The following HMGCLL1 variants were observed in gnomAD, a reference collection of about 807,000 sequenced individuals.
HMGCLL1 encodes the protein 3-hydroxy-3-methylglutaryl-CoA lyase like 1, also known as 3-hydroxymethyl-3-methylglutaryl-CoA lyase, cytoplasmic.
HMGCLL1 carries 36 observed loss-of-function variants against 39.1 expected under a neutral mutation model. The observed-to-expected ratio is 0.92, with a 90% CI of 0.71 to 1.22. The LOEUF is 1.22. HMGCLL1 is among the 50% of genes most tolerant of loss of function. The probability of loss-of-function intolerance (pLI) is 0.00; values close to 1 mark genes in which losing one functional copy is unlikely to be tolerated. For synonymous variants in HMGCLL1, 149 were observed against 144.0 expected, an observed-to-expected ratio of 1.03 and a Z score of -0.25; for missense variants, 451 against 416.5, an observed-to-expected ratio of 1.08 and a Z score of -0.72.
At chr6:55,528,983 A>T (rs1446642511) in intron 3 of HMGCLL1, among the ~76,000 whole-genome samples, 1 of 152,126 alleles carries the variant, frequency 6.6e-6, no homozygotes, top group Admixed American at 6.6e-5. Context: ...ACCCAAATGG[A>T]TCTGTGAGTT....
At chr6:55,518,746 A>G (rs1308532918) in intron 3 of HMGCLL1, among the ~76,000 whole-genome samples, 1 of 152,010 alleles carries the variant, frequency 6.6e-6, no homozygotes, top group South Asian at 2.1e-4. Context: ...AGTCAGTGTC[A>G]CCCCCTAAAT....
intron 1 of HMGCLL1, among the ~76,000 whole-genome samples, chr6:55,543,640 G>C (rs1317735283): frequency 6.9e-6 from 1 of 144,604 alleles, no homozygotes; most frequent in African/African-American, 2.6e-5. Flanking sequence ...ATTTGCTTGA[G>C]CCCAGGAGTT....
chr6:55,534,343 A>G (rs1241894193), intron 3 of HMGCLL1, among the ~76,000 whole-genome samples: 1 of 152,154 alleles, frequency 6.6e-6, no homozygotes, highest in Non-Finnish European at 1.5e-5. Flanking sequence ...GACCCAATAT[A>G]AAGGTGGTAA....
At chr6:55,468,024 C>A (rs1319513557) in intron 7 of HMGCLL1, among the ~76,000 whole-genome samples, 1 of 151,870 alleles carries the variant, frequency 6.6e-6, no homozygotes, top group East Asian at 1.9e-4. Context: ...TACAGAATGC[C>A]TGTGTGAAGG....
chr6:55,665,530 C>T, the HMGCLL1 span, among the ~76,000 whole-genome samples: 1 of 151,628 alleles, frequency 6.6e-6, no homozygotes, highest in African/African-American at 2.4e-5. Context: ...ACAAGTGGTA[C>T]TCCCTCTCTT....
chr6:55,631,164 A>G, the HMGCLL1 span, among the ~76,000 whole-genome samples: 3 of 152,150 alleles, frequency 2.0e-5, no homozygotes, highest in African/African-American at 7.2e-5. Flanking sequence ...AAGTTTGGAA[A>G]GTTCTCGGTT....
intron 7 of HMGCLL1, among the ~76,000 whole-genome samples, chr6:55,447,589 G>GA (rs1296178690): frequency 4.3e-4 from 64 of 149,214 alleles, no homozygotes; most frequent in Non-Finnish European, 2.4e-4. Context: ...AGGAAGTAAG[G>GA]AAAAAAAAAG....
At chr6:55,618,678 T>A in the HMGCLL1 span, among the ~76,000 whole-genome samples, 1 of 151,644 alleles carries the variant, frequency 6.6e-6, no homozygotes, top group Non-Finnish European at 1.5e-5. Flanking sequence ...AAAGAAAGAG[T>A]CTATATGCAA....
chr6:55,598,589 T>C, the HMGCLL1 span, among the ~76,000 whole-genome samples: 1 of 152,190 alleles, frequency 6.6e-6, no homozygotes. Flanking sequence ...TTCAGAACCT[T>C]ATAGAAGATC....
chr6:55,452,412 G>A (rs939642502), intron 7 of HMGCLL1, among the ~76,000 whole-genome samples: 3 of 151,444 alleles, frequency 2.0e-5, no homozygotes, highest in African/African-American at 4.9e-5. Context: ...ATAACGGAGA[G>A]CAGAGAAATT....
chr6:55,611,499 G>A, the HMGCLL1 span, among the ~76,000 whole-genome samples: 4 of 152,172 alleles, frequency 2.6e-5, no homozygotes, highest in East Asian at 7.7e-4. Flanking sequence ...AAACCTGAAA[G>A]AGACACAACA....
chr6:55,581,750 G>C (rs1771990662), upstream of HMGCLL1, among the ~76,000 whole-genome samples: 1 of 151,986 alleles, frequency 6.6e-6, no homozygotes, highest in South Asian at 2.1e-4. Flanking sequence ...AAGTGAGTAA[G>C]TGCCATATCC....
the HMGCLL1 span, among the ~76,000 whole-genome samples, chr6:55,630,914 C>G: frequency 6.6e-6 from 1 of 152,058 alleles, no homozygotes; most frequent in Non-Finnish European, 1.5e-5. Flanking sequence ...TTATCAGCAG[C>G]ATGAGAACAG....
At chr6:55,646,000 T>C in the HMGCLL1 span, among the ~76,000 whole-genome samples, 1 of 151,940 alleles carries the variant, frequency 6.6e-6, no homozygotes. Context: ...TTGATAGAAA[T>C]CAGCAGCAAA....
At chr6:55,585,671 T>C in the HMGCLL1 span, among the ~76,000 whole-genome samples, 1 of 152,082 alleles carries the variant, frequency 6.6e-6, no homozygotes, top group Non-Finnish European at 1.5e-5. Flanking sequence ...CAGCTTTCTT[T>C]TGCCTTTATT....
chr6:55,485,298 T>C lies in HMGCLL1; in HGVS notation c.795+10121A>G, dbSNP rs534899987. 5.9e-5 allele frequency among the ~76,000 whole-genome samples: 9 copies of C among 152,118 alleles called. No homozygotes were observed. The East Asian group carries it at 1.7e-3, about 29-fold the overall frequency. On this transcript the variant is annotated intron_variant, in intron 7 of 8. Transcript: ENST00000274901. The stretch of plus-strand genomic sequence containing the variant: ...TAATATGCTCTAAAATGTACTTCTA[T>C]ATTAGGCGTGTGTGTGTGTGTTGGG...
At chr6:55,453,616 T>A (rs1311629809) in intron 7 of HMGCLL1, among the ~76,000 whole-genome samples, 1 of 152,204 alleles carries the variant, frequency 6.6e-6, no homozygotes. Flanking sequence ...AATCATGCCA[T>A]CATCAGCACT....
chr6:55,501,860 C>T (rs1029837531), intron 5 of HMGCLL1, among the ~76,000 whole-genome samples: 5 of 151,770 alleles, frequency 3.3e-5, no homozygotes, highest in Non-Finnish European at 5.9e-5. Flanking sequence ...ATTACATGGA[C>T]CTGACCGTAT....
At chr6:55,564,610 C>A (rs1170192789) in intron 1 of HMGCLL1, among the ~76,000 whole-genome samples, 39 of 152,152 alleles carry the variant, frequency 2.6e-4, no homozygotes, top group Non-Finnish European at 1.5e-5. Flanking sequence ...CAAGAATTTT[C>A]ATTATGTATG....
Sources: gnomAD v4.1 joint callset for allele counts (sites outside exome capture counted in the v4.1 genomes callset) on GRCh38, gnomAD v4.1.1 for gene constraint, MANE v1.5 for transcripts, NCBI Gene and HGNC (gene_info 2026-07-23, HGNC 2026-07-21) for gene names.